SLC38A1: variants seen among roughly 807,000 people sequenced by gnomAD.
The protein encoded by SLC38A1 is sodium-coupled neutral amino acid symporter 1.
SLC38A1 carries 18 observed loss-of-function variants against 60.3 expected under a neutral mutation model. The ratio of observed to expected loss-of-function variants is 0.30; its 90% CI spans 0.21 to 0.44. The LOEUF is 0.44. Ranked by LOEUF, SLC38A1 falls within the 20% of genes least tolerant of loss-of-function variation. SLC38A1 has a pLI of 1.00. For synonymous variants in SLC38A1, 196 were observed against 212.1 expected, an observed-to-expected ratio of 0.92 and a Z score of 0.66; for missense variants, 448 against 587.2, an observed-to-expected ratio of 0.76 and a Z score of 2.45.
At chr12:46,208,387 T>C (rs1940004992) in intron 6 of SLC38A1, among the ~76,000 whole-genome samples, 1 of 152,236 alleles carries the variant, frequency 6.6e-6, no homozygotes, top group Non-Finnish European at 1.5e-5. Context: ...TAATTAAACC[T>C]TTGTTTAATC....
chr12:46,244,198 A>G (rs1025267412), intron 1 of SLC38A1, among the ~76,000 whole-genome samples: 1 of 152,250 alleles, frequency 6.6e-6, no homozygotes, highest in South Asian at 2.1e-4. Context: ...AGAACGGTGG[A>G]GAAATCAATG....
intron 5 of SLC38A1, among the ~76,000 whole-genome samples, chr12:46,210,542 T>C (rs1225427789): frequency 6.6e-6 from 1 of 152,182 alleles, no homozygotes; most frequent in Non-Finnish European, 1.5e-5. Flanking sequence ...CTGATTGATA[T>C]GGTTTGGCTG....
At chr12:46,253,678 T>C (rs190578599) in intron 1 of SLC38A1, among the ~76,000 whole-genome samples, 3 of 152,218 alleles carry the variant, frequency 2.0e-5, no homozygotes, top group African/African-American at 4.8e-5. Context: ...CATCTGGAAA[T>C]GCAGCTCAGT....
chr12:46,196,411 G>C, intron 16 of SLC38A1: 1 of 1,205,916 alleles, frequency 8.3e-7, no homozygotes, highest in Non-Finnish European at 1.1e-6. Context: ...CCTACTACTA[G>C]TTTCATTATG....
chr12:46,190,501 G>C (rs1255869475), intron 16 of SLC38A1, among the ~76,000 whole-genome samples: 2 of 152,188 alleles, frequency 1.3e-5, no homozygotes, highest in African/African-American at 4.8e-5. Flanking sequence ...GATCCTTGAG[G>C]AATCGCCACA....
At chr12:46,265,716 T>A (rs1247551802) in intron 1 of SLC38A1, among the ~76,000 whole-genome samples, 1 of 152,208 alleles carries the variant, frequency 6.6e-6, no homozygotes, top group African/African-American at 2.4e-5. Context: ...ATAAACCTCA[T>A]GAAAGAATGG....
chr12:46,252,272 G>C (rs1941872350), intron 1 of SLC38A1, among the ~76,000 whole-genome samples: 1 of 152,106 alleles, frequency 6.6e-6, no homozygotes, highest in Non-Finnish European at 1.5e-5. Context: ...CTCACTCATA[G>C]GTGGCATTGA....
At chr12:46,221,273 A>T (rs1940647548) in intron 5 of SLC38A1, among the ~76,000 whole-genome samples, 1 of 152,206 alleles carries the variant, frequency 6.6e-6, no homozygotes, top group Non-Finnish European at 1.5e-5. Flanking sequence ...CAAAGTGAAG[A>T]TAATTGCTGT....
At chr12:46,238,529 A>G (rs1229508147) in intron 3 of SLC38A1, among the ~76,000 whole-genome samples, 1 of 152,178 alleles carries the variant, frequency 6.6e-6, no homozygotes, top group African/African-American at 2.4e-5. Context: ...ATAACATTGT[A>G]GGTGTTCTAA....
Position 46,184,678 on chromosome 12 carries a change from AAGG to A in SLC38A1, c.*4289_*4291del, listed in dbSNP as rs1242447411. ...CCTTTCAGTAGAGAATTCGCTTTAAAAGGAGGACAGGATTATCACCACACGATT... is the reference window on the plus strand; with the variant it reads ...CCTTTCAGTAGAGAATTCGCTTTAAAAGGACAGGATTATCACCACACGATT... On this transcript the variant is annotated 3_prime_UTR_variant, in exon 17 of 17. Coordinates refer to ENST00000398637, the MANE Select transcript of SLC38A1 (RefSeq NM_030674.4). The A allele has an allele frequency of 6.6e-6, 1 of 152,178 alleles. No individual in the cohort carries two copies. Among genetic ancestry groups the A allele is most frequent in the Non-Finnish European group, 1.5e-5 (1 of 68,030 alleles). The allele number at this position is 152,178 out of a possible 1,614,324, so 9.4% of individuals were successfully genotyped here.
At chr12:46,229,127 G>A in intron 5 of SLC38A1, 26 bp downstream of exon 5, 5 of 1,354,298 alleles carry the variant, frequency 3.7e-6, no homozygotes, top group Non-Finnish European at 5.2e-6. Context: ...TTTTAAAATG[G>A]AAAGTACCGG....
rs1001968668 is a variant in SLC38A1, at chr12:46,183,913, C to T, written c.*5057G>A. ...AACAAAACCACTAATTTCTAGGAAA[C>T]ATTTATTGTTTATATGCAGATCCTA... On this transcript the variant is annotated 3_prime_UTR_variant, in exon 17 of 17. Transcript: ENST00000398637. 3 of 152,540 alleles carry T rather than the reference C, an allele frequency of 2.0e-5. No homozygotes were observed. Among genetic ancestry groups the T allele is most frequent in the African/African-American group, 4.8e-5 (2 of 41,430 alleles). 9.4% of individuals were successfully genotyped at this position (152,540 alleles called of 1,614,324 possible).
chr12:46,209,051 T>C lies in SLC38A1; in HGVS notation c.388+3A>G. On this transcript the variant is annotated splice_donor_region_variant and intron_variant, in intron 6 of 16. Coordinates refer to ENST00000398637, the MANE Select transcript of SLC38A1 (RefSeq NM_030674.4). ...AACAAAATCAAACACGTCCTCAGCTTACCTGTTTCTTTTGAACAGATCAAT... is the reference window on the plus strand; with the variant it reads ...AACAAAATCAAACACGTCCTCAGCTCACCTGTTTCTTTTGAACAGATCAAT... 6.2e-7 allele frequency: 1 copy of C among 1,603,960 alleles called. No individual in the cohort carries two copies. Among genetic ancestry groups the C allele is most frequent in the East Asian group, 2.2e-5 (1 of 44,682 alleles).
intron 16 of SLC38A1, among the ~76,000 whole-genome samples, chr12:46,191,740 G>T (rs865890035): frequency 2.4e-4 from 36 of 152,082 alleles, no homozygotes; most frequent in African/African-American, 8.2e-4. Flanking sequence ...GTCTATTATT[G>T]GTGTATAGGA....
At chr12:46,190,753 C>T (rs904960005) in intron 16 of SLC38A1, among the ~76,000 whole-genome samples, 16 of 152,192 alleles carry the variant, frequency 1.1e-4, no homozygotes, top group African/African-American at 3.9e-4. Context: ...AGTGTCTGTT[C>T]ATATCCTTTG....
intron 16 of SLC38A1, among the ~76,000 whole-genome samples, chr12:46,190,887 A>C (rs1018912014): frequency 1.3e-5 from 2 of 152,054 alleles, no homozygotes; most frequent in African/African-American, 4.8e-5. Context: ...TAGGTTGCCT[A>C]TTCACTCTGA....
At chr12:46,248,536 C>T (rs1941707142) in intron 1 of SLC38A1, among the ~76,000 whole-genome samples, 1 of 152,068 alleles carries the variant, frequency 6.6e-6, no homozygotes, top group Non-Finnish European at 1.5e-5. Flanking sequence ...TAAAGCAAGT[C>T]CTTAGAGACC....
intron 9 of SLC38A1, among the ~76,000 whole-genome samples, chr12:46,205,788 T>G (rs191948607): frequency 6.6e-6 from 1 of 152,292 alleles, no homozygotes; most frequent in Non-Finnish European, 1.5e-5. Flanking sequence ...TTTCTGGACT[T>G]TTCTTAGAGT....
At chr12:46,240,825 T>C (rs910873195) in intron 2 of SLC38A1, among the ~76,000 whole-genome samples, 2 of 152,192 alleles carry the variant, frequency 1.3e-5, no homozygotes, top group East Asian at 1.9e-4. Flanking sequence ...ACTGCTACTA[T>C]ATTACTCATC....
Sources: gnomAD v4.1 joint callset for allele counts (sites outside exome capture counted in the v4.1 genomes callset) on GRCh38, gnomAD v4.1.1 for gene constraint, MANE v1.5 for transcripts, NCBI Gene and HGNC (gene_info 2026-07-23, HGNC 2026-07-21) for gene names.